The following SYNPR variants were observed in gnomAD, a reference collection of about 807,000 sequenced individuals.
SYNPR encodes synaptoporin.
A neutral mutation model predicts 32.9 loss-of-function variants in SYNPR; 23 were observed. The ratio of observed to expected loss-of-function variants is 0.70; its 90% CI spans 0.50 to 0.99. The LOEUF is 0.99. Among genes scored for constraint, SYNPR ranks in the 50% least tolerant of loss-of-function variants. The pLI is 0.00. For synonymous variants in SYNPR, 146 were observed against 135.9 expected (o/e 1.07, Z -0.52); for missense variants, 318 against 349.3 (o/e 0.91, Z 0.71).
intron 2 of SYNPR, among the ~76,000 whole-genome samples, chr3:63,396,794 C>T (rs1253301281): frequency 6.6e-6 from 1 of 152,192 alleles, no homozygotes; most frequent in African/African-American, 2.4e-5. Flanking sequence ...TAAGAGGGAA[C>T]AGCCTAAAAC....
At chr3:63,247,121 T>C (rs887896770) in intron 1 of SYNPR, among the ~76,000 whole-genome samples, 1 of 152,048 alleles carries the variant, frequency 6.6e-6, no homozygotes, top group African/African-American at 2.4e-5. Flanking sequence ...CTGAGTTCAA[T>C]AAATGTTAGC....
At chr3:63,549,793 G>GT (rs565769165) in intron 3 of SYNPR, among the ~76,000 whole-genome samples, 48 of 151,874 alleles carry the variant, frequency 3.2e-4, no homozygotes, top group African/African-American at 1.0e-3. Flanking sequence ...TCAGTGAAAT[G>GT]TTTTAAATGA....
chr3:63,518,289 C>T (rs1701836740), intron 3 of SYNPR, among the ~76,000 whole-genome samples: 2 of 152,070 alleles, frequency 1.3e-5, no homozygotes, highest in African/African-American at 2.4e-5. Context: ...ACCTGTAATA[C>T]TCTCTAAAGA....
chr3:63,371,817 G>C (rs555251450), intron 2 of SYNPR, among the ~76,000 whole-genome samples: 1 of 152,356 alleles, frequency 6.6e-6, no homozygotes, highest in African/African-American at 2.4e-5. Context: ...TCACTGAGGA[G>C]GAAATCACAG....
intron 2 of SYNPR, among the ~76,000 whole-genome samples, chr3:63,352,065 G>A (rs569780273): frequency 6.6e-6 from 1 of 152,254 alleles, no homozygotes; most frequent in East Asian, 1.9e-4. Flanking sequence ...ACCTTGGAGG[G>A]AGTGCCAGGC....
chr3:63,465,849 AT>A (rs1003045628), intron 2 of SYNPR, among the ~76,000 whole-genome samples: 9 of 151,110 alleles, frequency 6.0e-5, no homozygotes, highest in Admixed American at 2.0e-4. Context: ...TTGAATCTAA[AT>A]TTTTTTTTTA....
At chr3:63,610,656 C>T (rs932829357) in intron 5 of SYNPR, 9 of 470,934 alleles carry the variant, frequency 1.9e-5, no homozygotes, top group East Asian at 1.2e-4. Context: ...GTATACGTTA[C>T]CATATTTACT....
chr3:63,377,423 T>A (rs930869043), intron 2 of SYNPR, among the ~76,000 whole-genome samples: 4 of 152,100 alleles, frequency 2.6e-5, no homozygotes, highest in African/African-American at 9.7e-5. Context: ...ATTATCAGGT[T>A]TAAGCAGAAC....
At chr3:63,353,698 A>G (rs2087538701) in intron 2 of SYNPR, among the ~76,000 whole-genome samples, 1 of 152,220 alleles carries the variant, frequency 6.6e-6, no homozygotes, top group South Asian at 2.1e-4. Context: ...CTTAAGTTTT[A>G]CATCGTTTTC....
At chr3:63,236,455 C>A (rs1404783282) in intron 1 of SYNPR, among the ~76,000 whole-genome samples, 1 of 151,984 alleles carries the variant, frequency 6.6e-6, no homozygotes, top group East Asian at 1.9e-4. Context: ...GCCTATAGTT[C>A]AATTTGGGGA....
chr3:63,234,037 C>T (rs912500153), intron 1 of SYNPR, among the ~76,000 whole-genome samples: 1 of 152,032 alleles, frequency 6.6e-6, no homozygotes, highest in Non-Finnish European at 1.5e-5. Flanking sequence ...TGTATTAGTC[C>T]GTTTTCACAC....
At position 63,563,248 on chromosome 3, in the gene SYNPR, A is replaced by G. The variant is rs560897101; in HGVS notation, c.408+6507A>G. On this transcript the variant is annotated intron_variant, in intron 4 of 5. Coordinates refer to ENST00000478300, the MANE Select transcript of SYNPR (RefSeq NM_001130003.2). The stretch of plus-strand genomic sequence containing the variant: ...CACAATTGCTAGGTTGAACCATCCA[A>G]TTAACCTTTGTGTTTCTTGAATCCC... Among the ~76,000 whole-genome samples the G allele has an allele frequency of 2.0e-5, 3 of 152,320 alleles. No individual in the cohort carries two copies. In the South Asian group the frequency reaches 6.2e-4, roughly 32 times the overall value.
chr3:63,614,011 T>C (rs1376748203), intron 5 of SYNPR, among the ~76,000 whole-genome samples: 3 of 149,254 alleles, frequency 2.0e-5, no homozygotes, highest in Non-Finnish European at 4.5e-5. Context: ...CCCAGCTTCT[T>C]GACTACACCA....
intron 3 of SYNPR, among the ~76,000 whole-genome samples, chr3:63,508,696 G>T (rs1426409082): frequency 2.0e-5 from 3 of 152,070 alleles, no homozygotes; most frequent in Non-Finnish European, 4.4e-5. Flanking sequence ...CAATCACATG[G>T]CCTGAAGGGT....
chr3:63,293,991 G>T (rs766638965), intron 2 of SYNPR, among the ~76,000 whole-genome samples: 4 of 152,172 alleles, frequency 2.6e-5, no homozygotes, highest in Non-Finnish European at 5.9e-5. Flanking sequence ...GTTCCTAGAA[G>T]AGGCACTGTT....
At chr3:63,318,987 G>A (rs1250971818) in intron 2 of SYNPR, among the ~76,000 whole-genome samples, 1 of 151,990 alleles carries the variant, frequency 6.6e-6, no homozygotes, top group African/African-American at 2.4e-5. Flanking sequence ...TCCTATGGAT[G>A]TGGCTTCCTG....
chr3:63,436,612 A>G (rs1020189549), intron 2 of SYNPR, among the ~76,000 whole-genome samples: 3 of 152,156 alleles, frequency 2.0e-5, no homozygotes, highest in African/African-American at 7.2e-5. Flanking sequence ...GCACTTAATG[A>G]TCTGGAATTA....
chr3:63,300,172 T>TAGGGAAGG (rs1298736731), intron 2 of SYNPR, among the ~76,000 whole-genome samples: 1 of 152,070 alleles, frequency 6.6e-6, no homozygotes, highest in Non-Finnish European at 1.5e-5. Context: ...GGTGAAAAGA[T>TAGGGAAGG]AGGGAAGGAG....
chr3:63,513,147 TC>T (rs571099750), intron 3 of SYNPR, among the ~76,000 whole-genome samples: 10 of 131,954 alleles, frequency 7.6e-5, no homozygotes, highest in Admixed American at 1.6e-4. Context: ...TCTCCACATA[TC>T]CCCCCCTCCC....
Sources: allele counts gnomAD v4.1 joint callset (sites outside exome capture counted in the v4.1 genomes callset), GRCh38; gene constraint gnomAD v4.1.1; transcripts MANE v1.5; gene names NCBI Gene and HGNC (gene_info 2026-07-23, HGNC 2026-07-21).